ATP8A1: variants seen among roughly 807,000 people sequenced by gnomAD.
ATP8A1 encodes phospholipid-transporting ATPase IA.
ATP8A1 carries 90 observed loss-of-function variants against 177.7 expected under a neutral mutation model. That is an observed-to-expected ratio of 0.51 (90% CI 0.43 to 0.60). The LOEUF is 0.60. Among genes scored for constraint, ATP8A1 ranks in the 20% least tolerant of loss-of-function variants. The pLI is 0.00. For missense variants in ATP8A1, 1,072 were observed against 1,392.8 expected (o/e 0.77, Z 3.67); for synonymous variants, 493 against 485.9 (o/e 1.01, Z -0.19).
chr4:42,636,128 A>ACC (rs1739318031), intron 1 of ATP8A1, among the ~76,000 whole-genome samples: 4 of 32,726 alleles, frequency 1.2e-4, no homozygotes, highest in African/African-American at 4.0e-4. Context: ...ATACACACAC[A>ACC]CACACACACA....
chr4:42,537,525 T>G (rs1415082077), intron 20 of ATP8A1, among the ~76,000 whole-genome samples: 2 of 151,920 alleles, frequency 1.3e-5, no homozygotes, highest in Admixed American at 6.6e-5. Flanking sequence ...CCCTAAAAAC[T>G]CCTCCAAAAA....
At chr4:42,478,646 C>T (rs766137232) in intron 25 of ATP8A1, among the ~76,000 whole-genome samples, 13 of 152,114 alleles carry the variant, frequency 8.5e-5, no homozygotes, top group Non-Finnish European at 1.6e-4. Context: ...GCAAATCTTC[C>T]TCATTCTTTT....
chr4:42,619,057 G>GTC (rs1737189355), intron 4 of ATP8A1, among the ~76,000 whole-genome samples: 1 of 148,326 alleles, frequency 6.7e-6, no homozygotes, highest in Non-Finnish European at 1.5e-5. Flanking sequence ...TGATTTTTTT[G>GTC]TTTTTTTTTT....
chr4:42,524,899 T>TAA (rs1403403797), intron 20 of ATP8A1, 52 bp from the exon 21 acceptor site: 10 of 1,242,586 alleles, frequency 8.0e-6, no homozygotes, highest in Non-Finnish European at 1.2e-5. Context: ...CTGGGTTTAA[T>TAA]AAAGTTGATG....
At chr4:42,615,480 G>A (rs1280613286) in intron 5 of ATP8A1, among the ~76,000 whole-genome samples, 2 of 151,944 alleles carry the variant, frequency 1.3e-5, no homozygotes, top group Non-Finnish European at 2.9e-5. Flanking sequence ...GCATGATGGC[G>A]AATTTGCTTG....
At chr4:42,629,244 A>G (rs1738462310) in intron 1 of ATP8A1, among the ~76,000 whole-genome samples, 1 of 152,230 alleles carries the variant, frequency 6.6e-6, no homozygotes, top group African/African-American at 2.4e-5. Flanking sequence ...GGGATCTTTA[A>G]AGAGAAAACT....
chr4:42,620,013 A>G (rs896932721), intron 4 of ATP8A1, among the ~76,000 whole-genome samples: 1 of 152,216 alleles, frequency 6.6e-6, no homozygotes, highest in Non-Finnish European at 1.5e-5. Context: ...ATAAACTTAT[A>G]TATTAAGCCA....
chr4:42,458,936 T>C (rs1419568191), intron 27 of ATP8A1, among the ~76,000 whole-genome samples: 1 of 152,242 alleles, frequency 6.6e-6, no homozygotes, highest in African/African-American at 2.4e-5. Context: ...GATTCGAGAC[T>C]GGCAGTTGTC....
intron 21 of ATP8A1, among the ~76,000 whole-genome samples, chr4:42,524,421 G>GTTTT (rs57749223): frequency 2.8e-5 from 4 of 144,896 alleles, no homozygotes; most frequent in Non-Finnish European, 6.1e-5. Flanking sequence ...TAGAATATCT[G>GTTTT]TTTTTTTTTT....
At chr4:42,439,141 C>T (rs925333332) in intron 33 of ATP8A1, among the ~76,000 whole-genome samples, 1 of 152,108 alleles carries the variant, frequency 6.6e-6, no homozygotes, top group Non-Finnish European at 1.5e-5. Flanking sequence ...GTATAATTTG[C>T]ACCCCGAGAT....
intron 6 of ATP8A1, among the ~76,000 whole-genome samples, chr4:42,599,516 GA>G (rs1284247431): frequency 6.6e-6 from 1 of 152,136 alleles, no homozygotes; most frequent in Non-Finnish European, 1.5e-5. Context: ...CTATATGAAA[GA>G]GGAGATGTCA....
At chr4:42,466,296 A>G (rs1221629198) in intron 25 of ATP8A1, among the ~76,000 whole-genome samples, 1 of 152,264 alleles carries the variant, frequency 6.6e-6, no homozygotes, top group Non-Finnish European at 1.5e-5. Flanking sequence ...GACTAATAAT[A>G]AATATCTGCT....
intron 31 of ATP8A1, among the ~76,000 whole-genome samples, chr4:42,446,080 C>CAAAAAAAAAAAAAAAAAAAA (rs11311245): frequency 3.3e-4 from 21 of 63,914 alleles, no homozygotes; most frequent in East Asian, 3.0e-3. Flanking sequence ...AACGCCCTCT[C>CAAAAAAAAAAAAAAAAAAAA]AAAAAAAAAA....
chr4:42,461,244 C>CTTTTTTTTTTTTTTT (rs777847439), intron 27 of ATP8A1, among the ~76,000 whole-genome samples: 17 of 84,522 alleles, frequency 2.0e-4, no homozygotes, highest in East Asian at 2.7e-4. Flanking sequence ...TCAATTTTTT[C>CTTTTTTTTTTTTTTT]TTTCTTTTTT....
At chr4:42,555,183 TATCTATCTATCTATCC>T in intron 16 of ATP8A1, among the ~76,000 whole-genome samples, 1 of 135,936 alleles carries the variant, frequency 7.4e-6, no homozygotes, top group East Asian at 2.1e-4. Context: ...TCTATCTATC[TATCTATCTATCTATCC>T]TATTAGTTCT....
chr4:42,457,719 T>A (rs1041098585), intron 27 of ATP8A1, among the ~76,000 whole-genome samples: 3 of 152,218 alleles, frequency 2.0e-5, no homozygotes, highest in Non-Finnish European at 2.9e-5. Context: ...TATTTGGTGC[T>A]GATTCAAAGG....
chr4:42,441,139 C>T (rs1716599000), intron 33 of ATP8A1, among the ~76,000 whole-genome samples: 1 of 152,106 alleles, frequency 6.6e-6, no homozygotes, highest in Admixed American at 6.5e-5. Flanking sequence ...CATGTCAAGG[C>T]AGCAGATGCT....
chr4:42,519,572 G>A (rs1725898492), intron 22 of ATP8A1, among the ~76,000 whole-genome samples: 1 of 152,140 alleles, frequency 6.6e-6, no homozygotes, highest in African/African-American at 2.4e-5. Context: ...CTCAGACCGT[G>A]GTACCCAGAG....
chr4:42,481,564 G>A (rs892708491), intron 25 of ATP8A1, among the ~76,000 whole-genome samples: 4 of 152,154 alleles, frequency 2.6e-5, no homozygotes, highest in Non-Finnish European at 1.5e-5. Flanking sequence ...GTAGGACCAG[G>A]GGGCATAAAG....
Sources: gnomAD v4.1 joint callset for allele counts (sites outside exome capture counted in the v4.1 genomes callset) on GRCh38, gnomAD v4.1.1 for gene constraint, MANE v1.5 for transcripts, NCBI Gene and HGNC (gene_info 2026-07-23, HGNC 2026-07-21) for gene names.